Variants in GULP1 observed in about 807,000 individuals in gnomAD.
The protein encoded by GULP1 is GULP PTB domain containing engulfment adaptor 1.
GULP1 carries 19 observed loss-of-function variants against 40.9 expected under a neutral mutation model. That is an observed-to-expected ratio of 0.46 (90% confidence interval 0.32 to 0.68). The LOEUF is 0.68. Ranked by LOEUF, GULP1 falls within the 30% of genes least tolerant of loss-of-function variation. The probability of loss-of-function intolerance (pLI) is 0.03; values close to 1 mark genes in which losing one functional copy is unlikely to be tolerated. For synonymous variants in GULP1, 119 were observed against 117.6 expected (o/e 1.01, Z -0.08); for missense variants, 312 against 362.2 (o/e 0.86, Z 1.12).
chr2:188,412,896 C>T (rs550719300), intron 2 of GULP1, among the ~76,000 whole-genome samples: 2 of 152,272 alleles, frequency 1.3e-5, no homozygotes, highest in African/African-American at 4.8e-5. Flanking sequence ...TTTGTACTTT[C>T]ATATGCTGTA....
rs527322092 is a variant in GULP1 at position 188,545,036 on chromosome 2, A to G, written c.399+3718A>G. 3.9e-5 allele frequency among the ~76,000 whole-genome samples: 6 copies of G among 152,182 alleles called. No individual in the cohort carries two copies. In the East Asian group the frequency reaches 1.2e-3, roughly 29 times the overall value. ...TAGCAGAGAATGTGAATGGCAGTGT[A>G]TTTCTCACCAGAAACCATGAAGGCA... On this transcript the variant is annotated intron_variant, in intron 7 of 11. Coordinates refer to ENST00000409830, the MANE Select transcript of GULP1 (RefSeq NM_016315.4).
At chr2:188,584,438 T>C (rs1701953046) in intron 10 of GULP1, 35 bp downstream of exon 10, 6 of 1,323,542 alleles carry the variant, frequency 4.5e-6, no homozygotes, top group South Asian at 1.5e-5. Flanking sequence ...TTTCTTGTTA[T>C]AGTTGCATAC....
At chr2:188,417,890 A>G (rs1315369067) in intron 2 of GULP1, among the ~76,000 whole-genome samples, 1 of 152,300 alleles carries the variant, frequency 6.6e-6, no homozygotes, top group Non-Finnish European at 1.5e-5. Flanking sequence ...TCCTGGGCTC[A>G]AGTGATTCTT....
At chr2:188,391,054 A>G (rs2050454239) in intron 2 of GULP1, among the ~76,000 whole-genome samples, 1 of 151,602 alleles carries the variant, frequency 6.6e-6, no homozygotes, top group South Asian at 2.1e-4. Context: ...ATGCCTCTAG[A>G]TTTGTTCTTT....
intron 6 of GULP1, among the ~76,000 whole-genome samples, chr2:188,535,407 A>G (rs375269034): frequency 2.6e-5 from 4 of 151,466 alleles, no homozygotes; most frequent in African/African-American, 4.8e-5. Context: ...CGAGTACCCA[A>G]TGTTTTTCAC....
At chr2:188,328,992 A>G (rs1269339035) in intron 1 of GULP1, among the ~76,000 whole-genome samples, 1 of 152,174 alleles carries the variant, frequency 6.6e-6, no homozygotes, top group Non-Finnish European at 1.5e-5. Flanking sequence ...TTGCAATGCA[A>G]AAGGGTCTCG....
At chr2:188,339,207 A>G (rs566163265) in intron 1 of GULP1, among the ~76,000 whole-genome samples, 3 of 152,232 alleles carry the variant, frequency 2.0e-5, no homozygotes, top group South Asian at 2.1e-4. Context: ...CTCACTTTGA[A>G]TATCAGTTTA....
intron 2 of GULP1, among the ~76,000 whole-genome samples, chr2:188,415,825 A>G (rs1431824053): frequency 6.6e-6 from 1 of 152,146 alleles, no homozygotes; most frequent in Non-Finnish European, 1.5e-5. Flanking sequence ...TTATTTCAAA[A>G]TACCCCAAGG....
chr2:188,397,400 C>T (rs2051437638), intron 2 of GULP1, among the ~76,000 whole-genome samples: 1 of 152,162 alleles, frequency 6.6e-6, no homozygotes, highest in Admixed American at 6.5e-5. Context: ...TCATATAACA[C>T]ATAGTGTGGG....
intron 2 of GULP1, among the ~76,000 whole-genome samples, chr2:188,439,081 T>A (rs1295684605): frequency 2.0e-5 from 3 of 152,142 alleles, no homozygotes; most frequent in African/African-American, 7.2e-5. Flanking sequence ...ATTCTTTTTC[T>A]TATTTCCAGG....
chr2:188,501,333 C>T (rs1292630712), intron 4 of GULP1, among the ~76,000 whole-genome samples: 1 of 151,866 alleles, frequency 6.6e-6, no homozygotes, highest in South Asian at 2.1e-4. Context: ...CCATGTAAGA[C>T]TTGCCTGGCC....
At chr2:188,482,010 A>G (rs2061482723) in intron 3 of GULP1, among the ~76,000 whole-genome samples, 1 of 150,964 alleles carries the variant, frequency 6.6e-6, no homozygotes, top group African/African-American at 2.4e-5. Flanking sequence ...AATTTCACAC[A>G]TTAAATGTCA....
At chr2:188,510,495 A>G (rs1023806821) in intron 4 of GULP1, among the ~76,000 whole-genome samples, 1 of 152,248 alleles carries the variant, frequency 6.6e-6, no homozygotes, top group Middle Eastern at 3.4e-3. Flanking sequence ...CTGACCACAT[A>G]CTGGGTAAAC....
At chr2:188,405,618 C>G (rs1341127310) in intron 2 of GULP1, among the ~76,000 whole-genome samples, 1 of 152,192 alleles carries the variant, frequency 6.6e-6, no homozygotes, top group African/African-American at 2.4e-5. Flanking sequence ...AGACCCAATT[C>G]CACAGAACCT....
rs540084446 is a variant in GULP1, at chr2:188,383,770, T to G, written c.-164T>G. 106 of 152,316 alleles carry G rather than the reference T, an allele frequency of 7.0e-4. No homozygotes were observed. The highest frequency in any genetic ancestry group is 2.5e-3 in the African/African-American group (104 of 41,578). The allele number at this position is 152,316 out of a possible 1,614,324, so 9.4% of individuals were successfully genotyped here. ...TTATATTTTTCTTTTTAGTTATTTA[T>G]GATTCCATCTGATATACATAGGAGA... On this transcript the variant is annotated 5_prime_UTR_variant, in exon 2 of 12. It removes an upstream start codon present in the reference 5' UTR. Transcript: ENST00000409830.
At chr2:188,416,424 C>G (rs1428510705) in intron 2 of GULP1, among the ~76,000 whole-genome samples, 1 of 152,056 alleles carries the variant, frequency 6.6e-6, no homozygotes, top group Non-Finnish European at 1.5e-5. Flanking sequence ...ACTGAAAGGC[C>G]AACTAGAGGT....
intron 2 of GULP1, among the ~76,000 whole-genome samples, chr2:188,422,486 A>G (rs1402716285): frequency 6.6e-6 from 1 of 151,630 alleles, no homozygotes; most frequent in Non-Finnish European, 1.5e-5. Flanking sequence ...CTTTACTTAA[A>G]TAGCCCTGGG....
chr2:188,531,600 T>C (rs1465594540), intron 6 of GULP1, among the ~76,000 whole-genome samples: 1 of 152,172 alleles, frequency 6.6e-6, no homozygotes, highest in Non-Finnish European at 1.5e-5. Context: ...AAATAACTAC[T>C]GCTAAGGTGG....
intron 7 of GULP1, among the ~76,000 whole-genome samples, chr2:188,548,697 A>C (rs922373713): frequency 2.6e-5 from 4 of 152,022 alleles, no homozygotes; most frequent in Non-Finnish European, 5.9e-5. Context: ...ACCTTTACTA[A>C]TGAAGACTTT....
Sources: gnomAD v4.1 joint callset for allele counts (sites outside exome capture counted in the v4.1 genomes callset) on GRCh38, gnomAD v4.1.1 for gene constraint, MANE v1.5 for transcripts, NCBI Gene and HGNC (gene_info 2026-07-23, HGNC 2026-07-21) for gene names.